Variants in CEP128 observed in about 807,000 individuals in gnomAD.
The protein encoded by CEP128 is centrosomal protein 128kDa.
CEP128 carries 132 observed loss-of-function variants against 156.7 expected under a neutral mutation model. That is an observed-to-expected ratio of 0.84 (90% CI 0.73 to 0.97). The LOEUF (loss-of-function observed/expected upper bound fraction) is 0.97. Among genes scored for constraint, CEP128 ranks in the 50% least tolerant of loss-of-function variants. The pLI is 0.00. For synonymous variants in CEP128, 469 were observed against 448.9 expected (o/e 1.04, Z -0.57); for missense variants, 1,252 against 1,281.9 (o/e 0.98, Z 0.36).
At chr14:80,928,310 A>C (rs901067320) in intron 2 of CEP128, among the ~76,000 whole-genome samples, 1 of 152,220 alleles carries the variant, frequency 6.6e-6, no homozygotes. Flanking sequence ...TTGAAATACC[A>C]GATAAAAAAT....
intron 19 of CEP128, among the ~76,000 whole-genome samples, chr14:80,727,738 C>T (rs1898074015): frequency 6.6e-6 from 1 of 152,094 alleles, no homozygotes; most frequent in Admixed American, 6.6e-5. Context: ...CAAAGGAAGA[C>T]ATGCAGCCAA....
At chr14:80,848,232 C>A (rs923225766) in intron 9 of CEP128, among the ~76,000 whole-genome samples, 1 of 152,204 alleles carries the variant, frequency 6.6e-6, no homozygotes, top group African/African-American at 2.4e-5. Flanking sequence ...AACCGTACAA[C>A]TGTTTCAGAG....
chr14:80,868,727 A>G (rs1047014188), intron 8 of CEP128, among the ~76,000 whole-genome samples: 1 of 152,210 alleles, frequency 6.6e-6, no homozygotes, highest in East Asian at 1.9e-4. Context: ...TTTTCTAATG[A>G]CCCAACTGTA....
intron 2 of CEP128, chr14:80,955,720 G>C (rs1886628490): frequency 6.2e-7 from 1 of 1,614,118 alleles, no homozygotes; most frequent in East Asian, 2.2e-5. Flanking sequence ...GCTGCTGCTC[G>C]ACCTGCCCAG....
At chr14:80,509,094 C>T (rs1396465079) in intron 23 of CEP128, among the ~76,000 whole-genome samples, 1 of 152,156 alleles carries the variant, frequency 6.6e-6, no homozygotes, top group African/African-American at 2.4e-5. Context: ...CTCACTATCA[C>T]AAGAACAGCA....
chr14:80,830,384 T>G, intron 13 of CEP128: 1 of 401,740 alleles, frequency 2.5e-6, no homozygotes, highest in Non-Finnish European at 4.4e-6. Context: ...CCTTTCATTT[T>G]AATTTTGGAA....
At chr14:80,889,192 T>A (rs1200191211) in intron 8 of CEP128, among the ~76,000 whole-genome samples, 1 of 152,162 alleles carries the variant, frequency 6.6e-6, no homozygotes, top group Non-Finnish European at 1.5e-5. Context: ...ATCATGAAAA[T>A]GGCAATACTG....
chr14:80,924,664 C>G lies in CEP128; in HGVS notation c.-15-8102G>C, dbSNP rs186821830. Among the ~76,000 whole-genome samples the G allele has an allele frequency of 6.2e-4, 95 of 152,022 alleles. 1 individual carries two copies. Among genetic ancestry groups the G allele is most frequent in the African/African-American group, 2.2e-3 (92 of 41,468 alleles). On this transcript the variant is annotated intron_variant, in intron 2 of 24. Coordinates refer to ENST00000555265, the MANE Select transcript of CEP128 (RefSeq NM_152446.5). ...GAAAAGTAGACAGGATCCAAATAAG[C>G]TGAGCTCTTGCATCCTTCTACCAGG...
At chr14:80,926,358 G>C (rs1294000224) in intron 2 of CEP128, among the ~76,000 whole-genome samples, 1 of 152,188 alleles carries the variant, frequency 6.6e-6, no homozygotes, top group Non-Finnish European at 1.5e-5. Context: ...CATGGGAGCT[G>C]AGTGGGGCTT....
intron 13 of CEP128, among the ~76,000 whole-genome samples, chr14:80,800,695 G>C (rs1008076659): frequency 6.6e-6 from 1 of 152,088 alleles, no homozygotes; most frequent in African/African-American, 2.4e-5. Context: ...AAAATCACAG[G>C]ATAAGGTTGA....
chr14:80,559,223 A>T (rs1890565808), intron 21 of CEP128, 56 bp downstream of exon 21: 9 of 1,458,920 alleles, frequency 6.2e-6, no homozygotes, highest in Middle Eastern at 1.7e-4. Flanking sequence ...TGTGAAATCC[A>T]CATCAGGAGA....
intron 5 of CEP128, chr14:80,905,476 C>CT (rs1335597954): frequency 6.4e-6 from 1 of 156,030 alleles, no homozygotes; most frequent in Non-Finnish European, 1.4e-5. Context: ...AATCTCAGTG[C>CT]TATACAAAAG....
intron 19 of CEP128, among the ~76,000 whole-genome samples, chr14:80,597,636 A>G (rs1892389105): frequency 6.7e-6 from 1 of 148,654 alleles, no homozygotes; most frequent in African/African-American, 2.4e-5. Flanking sequence ...AAGAAAGAAA[A>G]GAAAGAAAAG....
chr14:80,887,969 TAC>T (rs1228255284), intron 8 of CEP128, among the ~76,000 whole-genome samples: 1 of 152,040 alleles, frequency 6.6e-6, no homozygotes, highest in African/African-American at 2.4e-5. Flanking sequence ...CCCACAGAAA[TAC>T]ACACTACCAT....
intron 2 of CEP128, among the ~76,000 whole-genome samples, chr14:80,947,145 A>G (rs7144208): frequency 0.44 from 67,301 of 151,990 alleles, 15,797 homozygotes; most frequent in East Asian, 0.62. Context: ...ACACAGTCTC[A>G]GGTGGTTCTT....
At chr14:80,744,040 G>GT (rs944620575) in intron 18 of CEP128, among the ~76,000 whole-genome samples, 1 of 151,482 alleles carries the variant, frequency 6.6e-6, no homozygotes, top group African/African-American at 2.4e-5. Flanking sequence ...CTGGCTAACT[G>GT]TTTTTTGTAT....
chr14:80,954,249 G>A (rs1566734170), intron 2 of CEP128, among the ~76,000 whole-genome samples: 1 of 151,706 alleles, frequency 6.6e-6, no homozygotes. Context: ...CAGCCTGGGC[G>A]ACGGAGCAAG....
At position 80,552,309 on chromosome 14, in the gene CEP128, C is replaced by CA. The variant is rs10717714; in HGVS notation, c.2880+6969dup. ...TGGGTGACAGAGTGAAACTCCATCT[C>CA]AAAAAAAAAAAACACAAATAAAAAC... On this transcript the variant is annotated intron_variant, in intron 21 of 24. Coordinates refer to ENST00000555265, the MANE Select transcript of CEP128 (RefSeq NM_152446.5). 3.7e-3 allele frequency among the ~76,000 whole-genome samples: 508 copies of CA among 137,298 alleles called. 2 individuals are homozygous for CA. The highest frequency in any genetic ancestry group is 0.027 in the East Asian group (128 of 4,824). The allele number at this position is 137,298 out of a possible 152,430, so 90.1% of individuals were successfully genotyped here.
At chr14:80,552,034 T>C (rs1890230829) in intron 21 of CEP128, among the ~76,000 whole-genome samples, 1 of 150,988 alleles carries the variant, frequency 6.6e-6, no homozygotes, top group Admixed American at 6.6e-5. Flanking sequence ...GTTGTTGTTG[T>C]TGTTTGTTTG....
Sources: gnomAD v4.1 joint callset for allele counts (sites outside exome capture counted in the v4.1 genomes callset) on GRCh38, gnomAD v4.1.1 for gene constraint, MANE v1.5 for transcripts, NCBI Gene and HGNC (gene_info 2026-07-23, HGNC 2026-07-21) for gene names.